Variants in FRY observed in about 807,000 individuals in gnomAD.
The protein encoded by FRY is protein furry homolog.
Under a neutral mutation model 348.4 loss-of-function variants are expected in FRY, and 128 were observed. The observed-to-expected ratio is 0.37, with a 90% CI of 0.32 to 0.43. The LOEUF is 0.43. FRY is among the 20% of genes least tolerant of loss of function. The pLI is 1.00. For missense variants in FRY, 2,736 were observed against 3,695.2 expected, an observed-to-expected ratio of 0.74 and a Z score of 6.73; for synonymous variants, 1,370 against 1,374.7, an observed-to-expected ratio of 1.00 and a Z score of 0.08.
At chr13:32,221,318 A>G (rs117579501) in intron 36 of FRY, among the ~76,000 whole-genome samples, 5,503 of 152,300 alleles carry the variant, frequency 0.036, 158 homozygotes, top group Non-Finnish European at 0.053. Context: ...TTATTATAAA[A>G]TTGCCTAAAG....
chr13:32,219,349 A>G (rs1885186121), intron 36 of FRY, among the ~76,000 whole-genome samples: 1 of 148,378 alleles, frequency 6.7e-6, no homozygotes, highest in African/African-American at 2.5e-5. Context: ...TCGGCCTCCC[A>G]AAGTGCTGGG....
intron 1 of FRY, chr13:32,060,814 T>C (rs564433284): frequency 3.4e-6 from 1 of 290,518 alleles, no homozygotes; most frequent in African/African-American, 2.2e-5. Flanking sequence ...ATACGGGCAC[T>C]CTGTGAGTTG....
In FRY at chr13:32,289,647, T is replaced by A. The variant is rs1176480947; in HGVS notation, c.8484T>A (p.Cys2828Ter). 1 of 1,595,926 alleles carries A rather than the reference T, an allele frequency of 6.3e-7. No individual in the cohort carries two copies. Among genetic ancestry groups the A allele is most frequent in the African/African-American group, 1.3e-5 (1 of 74,610 alleles). ...GDSEEKQLEL[C>*]QRLYKLHFQL... is the part of the protein sequence containing the mutation. ...TCTCTCTTTAGCAATTGGAACTGTGTCAGAGATTATATAAGCTACACTTCC... is the reference window on the plus strand; with the variant it reads ...TCTCTCTTTAGCAATTGGAACTGTGACAGAGATTATATAAGCTACACTTCC... Residue 2828 changes from cysteine to a stop codon, truncating the protein, a stop_gained, in exon 59 of 61, where the codon TGT becomes TGA. Coordinates refer to ENST00000542859, the MANE Select transcript of FRY (RefSeq NM_023037.3). LOFTEE classifies it high-confidence loss of function.
chr13:32,248,378 A>G lies in FRY; in HGVS notation c.7008+876A>G, dbSNP rs546141135. On this transcript the variant is annotated intron_variant, in intron 48 of 60. Coordinates refer to ENST00000542859, the MANE Select transcript of FRY (RefSeq NM_023037.3). ...AGGGGAACATCACACACCGAGGCCT[A>G]TCACGGGGTGGGGAACAAGGGGAGG... Among the ~76,000 whole-genome samples the G allele has an allele frequency of 9.8e-5, 15 of 152,296 alleles. No individual in the cohort carries two copies. In the East Asian group the frequency reaches 2.9e-3, roughly 29 times the overall value.
At chr13:32,227,141 G>A (rs1008206562) in intron 39 of FRY, among the ~76,000 whole-genome samples, 3 of 152,126 alleles carry the variant, frequency 2.0e-5, no homozygotes, top group African/African-American at 7.2e-5. Flanking sequence ...TACCAAAAAC[G>A]CATACAATAT....
intron 2 of FRY, among the ~76,000 whole-genome samples, chr13:32,082,128 C>T (rs1352423804): frequency 1.3e-5 from 2 of 151,598 alleles, no homozygotes; most frequent in Non-Finnish European, 2.9e-5. Context: ...CGGAATTTCA[C>T]ACCCATTAGC....
At chr13:32,159,020 A>C (rs1032691111) in intron 16 of FRY, among the ~76,000 whole-genome samples, 1 of 151,778 alleles carries the variant, frequency 6.6e-6, no homozygotes, top group Non-Finnish European at 1.5e-5. Flanking sequence ...AGGCATCATA[A>C]GATAGGTTCA....
At chr13:32,071,771 G>A (rs901293692) in intron 1 of FRY, among the ~76,000 whole-genome samples, 8 of 152,188 alleles carry the variant, frequency 5.3e-5, no homozygotes, top group African/African-American at 1.7e-4. Flanking sequence ...TAAAGTTTTA[G>A]TTAAGCAAAA....
chr13:32,183,512 G>A (rs190668034), intron 24 of FRY, among the ~76,000 whole-genome samples: 67 of 152,290 alleles, frequency 4.4e-4, no homozygotes, highest in Non-Finnish European at 6.0e-4. Context: ...GCGCGATGGC[G>A]CACGCCTGTA....
chr13:32,254,758 G>A (rs771534133), intron 51 of FRY, among the ~76,000 whole-genome samples: 1 of 152,164 alleles, frequency 6.6e-6, no homozygotes, highest in Non-Finnish European at 1.5e-5. Flanking sequence ...AATATGCTAA[G>A]CATTTAATCA....
chr13:32,246,024 A>T (rs1566164889), intron 47 of FRY, among the ~76,000 whole-genome samples: 1 of 152,210 alleles, frequency 6.6e-6, no homozygotes, highest in Non-Finnish European at 1.5e-5. Flanking sequence ...CTTACACCAC[A>T]TAGGGTAGGC....
intron 11 of FRY, among the ~76,000 whole-genome samples, chr13:32,144,990 A>G (rs1880311630): frequency 6.6e-6 from 1 of 152,220 alleles, no homozygotes; most frequent in South Asian, 2.1e-4. Flanking sequence ...AGGAGAGGAC[A>G]TCCAAGCCCA....
Position 32,274,995 on chromosome 13 carries a change from A to C in FRY, c.8286+4A>C. On this transcript the variant is annotated splice_donor_region_variant and intron_variant, in intron 56 of 60. Coordinates refer to ENST00000542859, the MANE Select transcript of FRY (RefSeq NM_023037.3). The stretch of plus-strand genomic sequence containing the variant: ...ACTTTTTGTGGATGCCGAGACTGTG[A>C]GTATCCCAGTCCTGCTCTGACAGTG... The C allele has an allele frequency of 6.2e-7, 1 of 1,612,668 alleles. No homozygotes were observed. Among genetic ancestry groups the C allele is most frequent in the Non-Finnish European group, 8.5e-7 (1 of 1,178,782 alleles).
chr13:32,044,240 T>C (rs1284853542), intron 1 of FRY, among the ~76,000 whole-genome samples: 1 of 152,230 alleles, frequency 6.6e-6, no homozygotes, highest in Non-Finnish European at 1.5e-5. Context: ...GATATTTCCA[T>C]TTCATGTGGA....
chr13:32,147,753 A>T (rs1047275103), intron 12 of FRY, 86 bp from the exon 13 acceptor site: 6 of 811,408 alleles, frequency 7.4e-6, no homozygotes, highest in Admixed American at 6.8e-5. Flanking sequence ...TGATTCTTAG[A>T]TAAGATGAAA....
In FRY at chr13:32,186,258, A is replaced by C; in HGVS notation, c.3320-2A>C. ...AACCTCTAAGTGTGTTTTTCTCCCT[A>C]GTTCACCACCGAAGATTTCTCTTCC... On this transcript the variant is annotated splice_acceptor_variant, in intron 26 of 60. Coordinates refer to ENST00000542859, the MANE Select transcript of FRY (RefSeq NM_023037.3). LOFTEE classifies it high-confidence loss of function. 1 of 1,610,536 alleles carries C rather than the reference A, an allele frequency of 6.2e-7. No individual in the cohort carries two copies. Among genetic ancestry groups the C allele is most frequent in the Non-Finnish European group, 8.5e-7 (1 of 1,176,720 alleles).
intron 29 of FRY, among the ~76,000 whole-genome samples, chr13:32,199,335 T>C (rs1883867787): frequency 6.6e-6 from 1 of 152,184 alleles, no homozygotes; most frequent in Non-Finnish European, 1.5e-5. Context: ...AGTAGTTGTT[T>C]ATGATATGTT....
intron 19 of FRY, 124 bp downstream of exon 19, chr13:32,173,673 A>T: frequency 1.3e-6 from 1 of 773,362 alleles, no homozygotes; most frequent in Middle Eastern, 3.6e-4. Context: ...TGTTTCATTC[A>T]TTGTTAGGTT....
chr13:32,271,767 A>G (rs1003113718), intron 55 of FRY, among the ~76,000 whole-genome samples: 2 of 152,064 alleles, frequency 1.3e-5, no homozygotes, highest in Admixed American at 1.3e-4. Flanking sequence ...GTAACAGTTA[A>G]CTCTCTAGGA....
Sources: allele counts gnomAD v4.1 joint callset (sites outside exome capture counted in the v4.1 genomes callset), GRCh38; gene constraint gnomAD v4.1.1; transcripts MANE v1.5; gene names NCBI Gene and HGNC (gene_info 2026-07-23, HGNC 2026-07-21).